The following PLCG2 variants were observed in gnomAD, a reference collection of about 807,000 sequenced individuals.
PLCG2 encodes 1-phosphatidylinositol 4,5-bisphosphate phosphodiesterase gamma-2.
Under a neutral mutation model 175.6 loss-of-function variants are expected in PLCG2, and 69 were observed. The ratio of observed to expected loss-of-function variants is 0.39; its 90% CI spans 0.32 to 0.48. The LOEUF (loss-of-function observed/expected upper bound fraction) is 0.48, where lower values mean the gene tolerates loss of function less well. Among genes scored for constraint, PLCG2 ranks in the 20% least tolerant of loss-of-function variants. The pLI, the probability that PLCG2 is intolerant of heterozygous loss-of-function variation, is 0.91. For synonymous variants in PLCG2, 827 were observed against 624.0 expected (o/e 1.33, Z -4.85); for missense variants, 1,798 against 1,650.9 (o/e 1.09, Z -1.54).
At chr16:81,948,458 T>G (rs1384093244) in intron 31 of PLCG2, among the ~76,000 whole-genome samples, 1 of 152,136 alleles carries the variant, frequency 6.6e-6, no homozygotes, top group Admixed American at 6.5e-5. Flanking sequence ...CTGGGTTCTG[T>G]TTTGTGCTGG....
chr16:81,784,823 C>G (rs1001215734), intron 1 of PLCG2, among the ~76,000 whole-genome samples: 2 of 152,030 alleles, frequency 1.3e-5, no homozygotes, highest in African/African-American at 4.8e-5. Context: ...CAAGGGGGTC[C>G]CTGGTGGTTC....
chr16:81,805,783 G>GT (rs35014411), intron 2 of PLCG2, among the ~76,000 whole-genome samples: 28 of 82,932 alleles, frequency 3.4e-4, no homozygotes, highest in East Asian at 1.2e-3. Flanking sequence ...TTTTTTTTTT[G>GT]TTTTTTTTTT....
At chr16:81,779,507 C>T (rs908617841) in intron 1 of PLCG2, 83 bp downstream of exon 1, 3 of 151,910 alleles carry the variant, frequency 2.0e-5, no homozygotes, top group African/African-American at 7.2e-5. Context: ...GGCGCTGCGT[C>T]CGAGGGGGTC....
chr16:81,912,512 G>A (rs1909671411), intron 18 of PLCG2, 85 bp from the exon 19 acceptor site: 3 of 1,515,458 alleles, frequency 2.0e-6, no homozygotes, highest in Non-Finnish European at 2.7e-6. Context: ...GGTGTCACTG[G>A]TGCCATTATC....
At chr16:81,836,004 C>T (rs1905495503) in intron 2 of PLCG2, among the ~76,000 whole-genome samples, 1 of 152,144 alleles carries the variant, frequency 6.6e-6, no homozygotes, top group South Asian at 2.1e-4. Context: ...ACCCTATTTC[C>T]AAAGAAGGCC....
chr16:81,762,696 T>C (rs897009576), intron 2 of PLCG2, among the ~76,000 whole-genome samples: 5 of 151,936 alleles, frequency 3.3e-5, no homozygotes, highest in African/African-American at 9.7e-5. Flanking sequence ...TTCCTGACAA[T>C]GGGAAAAGCC....
At chr16:81,947,127 G>A (rs752655769) in intron 31 of PLCG2, among the ~76,000 whole-genome samples, 23 of 152,174 alleles carry the variant, frequency 1.5e-4, no homozygotes, top group Non-Finnish European at 2.9e-4. Context: ...TAAACAACCG[G>A]AAACATTATA....
chr16:81,840,126 A>G (rs1003789294), intron 2 of PLCG2, among the ~76,000 whole-genome samples: 7 of 152,210 alleles, frequency 4.6e-5, no homozygotes, highest in Non-Finnish European at 1.5e-5. Flanking sequence ...AAAGCTCCTC[A>G]TTTTCTCATT....
At chr16:81,865,300 A>C (rs921911773) in intron 5 of PLCG2, among the ~76,000 whole-genome samples, 5 of 152,082 alleles carry the variant, frequency 3.3e-5, no homozygotes, top group African/African-American at 1.2e-4. Context: ...CCTCCCCTGC[A>C]GCGATGGGGG....
Position 81,819,491 on chromosome 16 carries a change from G to A in PLCG2, c.193+33309G>A, listed in dbSNP as rs370736941. Among the ~76,000 whole-genome samples, 232 of 152,248 alleles carry A rather than the reference G, an allele frequency of 1.5e-3. 1 individual carries two copies. Among genetic ancestry groups the A allele is most frequent in the African/African-American group, 5.2e-3 (214 of 41,536 alleles). ...AGCTGGGTGGACCTCCTGGCTCCTC[G>A]CCCACTGCTTTTCACCCTGCCCTGA... On this transcript the variant is annotated intron_variant, in intron 2 of 32. Coordinates refer to ENST00000564138, the MANE Select transcript of PLCG2 (RefSeq NM_002661.5).
At chr16:81,883,898 C>G (rs1364200973) in intron 9 of PLCG2, among the ~76,000 whole-genome samples, 3 of 152,234 alleles carry the variant, frequency 2.0e-5, no homozygotes, top group Admixed American at 2.0e-4. Flanking sequence ...TGGTTTTCCA[C>G]TGCTGTGACG....
At chr16:81,934,926 A>C (rs1910645656) in intron 26 of PLCG2, among the ~76,000 whole-genome samples, 2 of 152,120 alleles carry the variant, frequency 1.3e-5, no homozygotes, top group South Asian at 4.1e-4. Flanking sequence ...GGTACAGGGG[A>C]AACCACCCCC....
intron 2 of PLCG2, among the ~76,000 whole-genome samples, chr16:81,822,949 G>C (rs1350067151): frequency 6.6e-6 from 1 of 152,174 alleles, no homozygotes; most frequent in African/African-American, 2.4e-5. Context: ...GGAGCCTCCA[G>C]AAGGAGCCAG....
At chr16:81,832,702 G>C in intron 2 of PLCG2, among the ~76,000 whole-genome samples, 1 of 152,200 alleles carries the variant, frequency 6.6e-6, no homozygotes, top group East Asian at 1.9e-4. Context: ...TTGCGCCCAG[G>C]CAGAATCTAC....
chr16:81,931,675 G>C, intron 25 of PLCG2, 21 bp downstream of exon 25: 1 of 1,609,224 alleles, frequency 6.2e-7, no homozygotes, highest in Non-Finnish European at 8.5e-7. Flanking sequence ...GCTCACCCGG[G>C]TGCAGGTGGG....
chr16:81,877,900 C>G (rs953445379), intron 7 of PLCG2, among the ~76,000 whole-genome samples: 2 of 151,094 alleles, frequency 1.3e-5, no homozygotes, highest in African/African-American at 4.9e-5. Flanking sequence ...GTGCCAGTCT[C>G]TGCCTCCATC....
intron 2 of PLCG2, chr16:81,767,716 A>C (rs1220506792): frequency 6.6e-6 from 1 of 152,082 alleles, no homozygotes; most frequent in Non-Finnish European, 1.5e-5. Context: ...AATATAAAAC[A>C]ATTTCCTCAC....
chr16:81,762,898 C>G (rs777199749), intron 2 of PLCG2, among the ~76,000 whole-genome samples: 3 of 152,008 alleles, frequency 2.0e-5, no homozygotes, highest in African/African-American at 2.4e-5. Flanking sequence ...CCTCTACAAA[C>G]AAATTTTTAA....
At chr16:81,813,151 A>G (rs4889397) in intron 2 of PLCG2, among the ~76,000 whole-genome samples, 151,605 of 152,322 alleles carry the variant, frequency 1, 75,446 homozygotes, top group East Asian at 1. Flanking sequence ...TGTCTTGGTT[A>G]TGTGGTCTCT....
Sources: gnomAD v4.1 joint callset for allele counts (sites outside exome capture counted in the v4.1 genomes callset) on GRCh38, gnomAD v4.1.1 for gene constraint, MANE v1.5 for transcripts, NCBI Gene and HGNC (gene_info 2026-07-23, HGNC 2026-07-21) for gene names.